Variants in CLSTN2 observed in about 807,000 individuals in gnomAD.
CLSTN2 encodes the protein calsyntenin-2.
A neutral mutation model predicts 101.2 loss-of-function variants in CLSTN2; 48 were observed. The ratio of observed to expected loss-of-function variants is 0.47; its 90% confidence interval spans 0.38 to 0.60. The LOEUF (loss-of-function observed/expected upper bound fraction) is 0.60. Ranked by LOEUF, CLSTN2 falls within the 20% of genes least tolerant of loss-of-function variation. The pLI is 0.00. For synonymous variants in CLSTN2, 481 were observed against 463.6 expected (o/e 1.04, Z -0.48); for missense variants, 1,160 against 1,238.2 (o/e 0.94, Z 0.95).
intron 1 of CLSTN2, among the ~76,000 whole-genome samples, chr3:139,994,551 C>T (rs1221711263): frequency 6.6e-6 from 1 of 152,158 alleles, no homozygotes; most frequent in Non-Finnish European, 1.5e-5. Flanking sequence ...AGGTGTTAAT[C>T]CCCCTACTAC....
intron 10 of CLSTN2, among the ~76,000 whole-genome samples, chr3:140,548,288 A>G (rs1264834468): frequency 6.6e-6 from 1 of 152,252 alleles, no homozygotes; most frequent in East Asian, 1.9e-4. Context: ...TGACTACCAC[A>G]ATAATTATGA....
intron 1 of CLSTN2, among the ~76,000 whole-genome samples, chr3:139,961,772 A>C (rs1338801115): frequency 6.6e-6 from 1 of 152,184 alleles, no homozygotes; most frequent in Non-Finnish European, 1.5e-5. Flanking sequence ...AAATAGTAAC[A>C]ACATTTTAAA....
chr3:140,311,087 G>A (rs1456957943), intron 2 of CLSTN2, among the ~76,000 whole-genome samples: 1 of 152,116 alleles, frequency 6.6e-6, no homozygotes, highest in Non-Finnish European at 1.5e-5. Flanking sequence ...AGGAATAGGT[G>A]AGCCAGATTG....
At position 140,421,232 on chromosome 3, in the gene CLSTN2, G is replaced by T. The variant is rs779744102; in HGVS notation, c.745G>T (p.Val249Leu). Residue 249 changes from valine to leucine, a missense_variant, in exon 5 of 17, where the codon GTG (valine) becomes TTG (leucine). Physicochemically the swap from Val to Leu is conservative, Grantham distance 32. Transcript: ENST00000458420. ...GQKPAAQDTL[V>L]QVDVKPVCKP... Reference sequence around the variant, plus strand: ...GAAGCCCGCTGCTCAGGACACCCTGGTGCAGGTGGATGTGAAGCCAGTTTG... The same window carrying T: ...GAAGCCCGCTGCTCAGGACACCCTGTTGCAGGTGGATGTGAAGCCAGTTTG... 3.1e-6 allele frequency: 5 copies of T among 1,614,046 alleles called. No individual in the cohort carries two copies. Among genetic ancestry groups the T allele is most frequent in the Non-Finnish European group, 4.2e-6 (5 of 1,180,014 alleles).
At chr3:140,456,313 T>C (rs1007169452) in intron 6 of CLSTN2, among the ~76,000 whole-genome samples, 38 of 152,180 alleles carry the variant, frequency 2.5e-4, no homozygotes, top group African/African-American at 8.7e-4. Context: ...GTCCACTCAC[T>C]AGCTGGGTGC....
chr3:140,200,006 T>G (rs1430651622), intron 2 of CLSTN2, among the ~76,000 whole-genome samples: 1 of 152,178 alleles, frequency 6.6e-6, no homozygotes, highest in African/African-American at 2.4e-5. Context: ...ATGCCAGGAT[T>G]AAAAGCAGCT....
intron 1 of CLSTN2, among the ~76,000 whole-genome samples, chr3:140,133,627 G>T (rs547612278): frequency 2.0e-5 from 3 of 152,132 alleles, no homozygotes; most frequent in Admixed American, 2.0e-4. Flanking sequence ...GAGGTGGGGG[G>T]GCCAGGAGGC....
At chr3:140,291,640 TC>T (rs1041487375) in intron 2 of CLSTN2, among the ~76,000 whole-genome samples, 1 of 151,634 alleles carries the variant, frequency 6.6e-6, no homozygotes, top group Non-Finnish European at 1.5e-5. Flanking sequence ...TTCCCCCATC[TC>T]CAGACGAGAT....
intron 2 of CLSTN2, among the ~76,000 whole-genome samples, chr3:140,270,103 T>A (rs1434297530): frequency 6.6e-6 from 1 of 152,180 alleles, no homozygotes; most frequent in Non-Finnish European, 1.5e-5. Flanking sequence ...TTTTGATGAA[T>A]GAACATGCTG....
At chr3:140,448,777 T>C (rs1576573339) in intron 6 of CLSTN2, 73 bp downstream of exon 6, 2 of 1,325,930 alleles carry the variant, frequency 1.5e-6, no homozygotes, top group Non-Finnish European at 2.1e-6. Context: ...GCATATCTTA[T>C]TGTCTTAGGC....
intron 2 of CLSTN2, among the ~76,000 whole-genome samples, chr3:140,255,154 G>A (rs2086594696): frequency 6.6e-6 from 1 of 152,108 alleles, no homozygotes; most frequent in African/African-American, 2.4e-5. Context: ...AAAATAACAG[G>A]TGCTAGTGAG....
chr3:140,521,350 ACAGT>A lies in CLSTN2; in HGVS notation c.1345-10966_1345-10963del, dbSNP rs961016666. Among the ~76,000 whole-genome samples the A allele has an allele frequency of 4.4e-4, 67 of 152,102 alleles. 1 individual carries two copies. The highest frequency in any genetic ancestry group is 1.4e-3 in the African/African-American group (59 of 41,504). On this transcript the variant is annotated intron_variant, in intron 8 of 16. Transcript: ENST00000458420. ...TTATTTTCTGTTTGTTTTTCTTTTA[ACAGT>A]CAGTCAGGCTACCCTTCCATAGGGC...
At chr3:140,406,719 G>A (rs984314645) in intron 4 of CLSTN2, among the ~76,000 whole-genome samples, 1 of 152,180 alleles carries the variant, frequency 6.6e-6, no homozygotes, top group Non-Finnish European at 1.5e-5. Flanking sequence ...GTTGTGCAGT[G>A]TATCCCATAA....
rs35828839 is a variant in CLSTN2, at chr3:140,345,600, ATTTTTTT to A, written c.233-58013_233-58007del. ...TTTATCATTGGTGATTATGTGTGGAATTTTTTTTTTTTTTTTTTTTTTGGTACAGGGC... is the reference window on the plus strand; with the variant it reads ...TTTATCATTGGTGATTATGTGTGGAATTTTTTTTTTTTTTTGGTACAGGGC... On this transcript the variant is annotated intron_variant, in intron 2 of 16. Transcript: ENST00000458420. Among the ~76,000 whole-genome samples the A allele has an allele frequency of 8.3e-5, 10 of 121,130 alleles. No individual in the cohort carries two copies. In the East Asian group the frequency reaches 9.3e-4, roughly 11 times the overall value. The allele number at this position is 121,130 out of a possible 152,430, so 79.5% of individuals were successfully genotyped here. A position where few individuals can be genotyped will look rare whatever the true frequency, so the allele number is the denominator to read the frequency against.
chr3:140,102,106 G>A (rs974244903), intron 1 of CLSTN2, among the ~76,000 whole-genome samples: 2 of 152,220 alleles, frequency 1.3e-5, no homozygotes, highest in African/African-American at 4.8e-5. Flanking sequence ...GACCACACAT[G>A]TCATACAGAG....
chr3:140,471,583 G>A (rs770687567), intron 8 of CLSTN2, among the ~76,000 whole-genome samples: 57 of 152,208 alleles, frequency 3.7e-4, no homozygotes, highest in Non-Finnish European at 6.6e-4. Context: ...CCACCCTGGG[G>A]AAACTCAGCC....
At chr3:140,538,296 C>CCTGGATCCTGG (rs1249264316) in intron 9 of CLSTN2, among the ~76,000 whole-genome samples, 1 of 152,166 alleles carries the variant, frequency 6.6e-6, no homozygotes, top group Non-Finnish European at 1.5e-5. Context: ...GCCTTTCTAC[C>CCTGGATCCTGG]CTGGATCCTG....
At chr3:140,437,888 A>G (rs1455760799) in intron 5 of CLSTN2, among the ~76,000 whole-genome samples, 1 of 152,204 alleles carries the variant, frequency 6.6e-6, no homozygotes, top group African/African-American at 2.4e-5. Context: ...TCTTCTTTCA[A>G]TACATAGTCA....
intron 4 of CLSTN2, among the ~76,000 whole-genome samples, chr3:140,412,207 G>C (rs1025839233): frequency 6.6e-6 from 1 of 152,142 alleles, no homozygotes; most frequent in African/African-American, 2.4e-5. Context: ...TGGAGATGGG[G>C]TTTCTCCATG....
Sources: gnomAD v4.1 joint callset for allele counts (sites outside exome capture counted in the v4.1 genomes callset) on GRCh38, gnomAD v4.1.1 for gene constraint, MANE v1.5 for transcripts, NCBI Gene and HGNC (gene_info 2026-07-23, HGNC 2026-07-21) for gene names.